Variants in ZC3H4 observed in about 807,000 individuals in gnomAD.
ZC3H4 encodes the protein zinc finger CCCH-type containing 4, also known as zinc finger CCCH domain-containing protein 4.
Under a neutral mutation model 108.3 loss-of-function variants are expected in ZC3H4, and 13 were observed. That is an observed-to-expected ratio of 0.12 (90% confidence interval 0.08 to 0.19). The LOEUF is 0.19. Ranked by LOEUF, ZC3H4 falls within the 10% of genes least tolerant of loss-of-function variation. ZC3H4 has a pLI of 1.00. For missense variants in ZC3H4, 1,734 were observed against 1,838.8 expected, an observed-to-expected ratio of 0.94 and a Z score of 1.04; for synonymous variants, 917 against 749.6, an observed-to-expected ratio of 1.22 and a Z score of -3.65.
chr19:47,093,203 G>A (rs184281930), intron 4 of ZC3H4, among the ~76,000 whole-genome samples: 7 of 129,264 alleles, frequency 5.4e-5, no homozygotes, highest in African/African-American at 1.2e-4. Flanking sequence ...GCGACAGAGT[G>A]AGACTCTGCC....
At chr19:47,088,743 C>T (rs1172598331) in intron 5 of ZC3H4, among the ~76,000 whole-genome samples, 1 of 152,092 alleles carries the variant, frequency 6.6e-6, no homozygotes, top group Non-Finnish European at 1.5e-5. Context: ...CTCCTGCCTC[C>T]ACCTCTCAAG....
At chr19:47,107,332 T>A (rs1463467381) in intron 2 of ZC3H4, among the ~76,000 whole-genome samples, 2 of 152,190 alleles carry the variant, frequency 1.3e-5, no homozygotes, top group African/African-American at 4.8e-5. Flanking sequence ...TGGCATTGTG[T>A]GGGTGTCCCC....
chr19:47,107,634 C>A (rs1179310085), intron 2 of ZC3H4, among the ~76,000 whole-genome samples: 1 of 144,046 alleles, frequency 6.9e-6, no homozygotes, highest in Non-Finnish European at 1.5e-5. Flanking sequence ...ATGCTCTCAG[C>A]AAATAATCCT....
At chr19:47,070,295 T>C (rs1347838315) in intron 13 of ZC3H4, among the ~76,000 whole-genome samples, 1 of 152,162 alleles carries the variant, frequency 6.6e-6, no homozygotes, top group Admixed American at 6.5e-5. Flanking sequence ...TAGCTTACAT[T>C]AATTTCAACT....
At chr19:47,069,420 G>A (rs2057286732) in intron 13 of ZC3H4, 77 bp from the exon 14 acceptor site, 4 of 1,520,610 alleles carry the variant, frequency 2.6e-6, no homozygotes, top group East Asian at 4.8e-5. Flanking sequence ...GCCCCTCACT[G>A]CAAACCCACA....
chr19:47,111,669 A>G (rs1600123476), intron 2 of ZC3H4, among the ~76,000 whole-genome samples: 1 of 152,062 alleles, frequency 6.6e-6, no homozygotes, highest in Non-Finnish European at 1.5e-5. Context: ...GGTTTTCATC[A>G]AAAGGGCTGG....
In ZC3H4 at chr19:47,112,282, G is replaced by A. The variant is rs1273565539; in HGVS notation, c.161+142C>T. The A allele has an allele frequency of 6.3e-6, 7 of 1,112,682 alleles. No individual in the cohort carries two copies. In the East Asian group the frequency reaches 9.7e-5, roughly 15 times the overall value. The allele number at this position is 1,112,682 out of a possible 1,614,324, so 68.9% of individuals were successfully genotyped here. The stretch of plus-strand genomic sequence containing the variant: ...AGAGCGAGCGAGCAAGCGATCGAGA[G>A]ACACCCACCGACCCCGCCCTTCCTC... On this transcript the variant is annotated intron_variant, in intron 2 of 14. Transcript: ENST00000253048.
intron 13 of ZC3H4, among the ~76,000 whole-genome samples, chr19:47,069,757 A>G (rs908199358): frequency 1.1e-4 from 17 of 152,212 alleles, no homozygotes; most frequent in African/African-American, 3.9e-4. Context: ...CTTTCTAACA[A>G]TCAGTAAGGA....
At position 47,067,740 on chromosome 19, in the gene ZC3H4, C is replaced by T. The variant is rs2057243349; in HGVS notation, c.2528G>A (p.Gly843Glu). 3.1e-6 allele frequency: 5 copies of T among 1,608,398 alleles called. No individual in the cohort carries two copies. Among genetic ancestry groups the T allele is most frequent in the Non-Finnish European group, 4.2e-6 (5 of 1,178,646 alleles). ...PASVGELSSS[G>E]LGDPRLQKGH... The stretch of plus-strand genomic sequence containing the variant: ...CTTCTGGAGGCGGGGGTCCCCCAGC[C>T]CACTGCTGCTCAGCTCCCCAACTGA... Residue 843 changes from glycine to glutamate, a missense_variant, in exon 15 of 15, where the codon GGG (glycine) becomes GAG (glutamate). By Grantham distance (98) the Gly-to-Glu change is moderately conservative. Coordinates refer to ENST00000253048, the MANE Select transcript of ZC3H4 (RefSeq NM_015168.2). The surrounding 1 kb of genome is among the most constrained non-coding windows in gnomAD (Gnocchi z 6.4).
Position 47,066,694 on chromosome 19 carries a change from G to A in ZC3H4, c.3574C>T (p.Arg1192Cys), listed in dbSNP as rs757941010. 4 of 1,609,874 alleles carry A rather than the reference G, an allele frequency of 2.5e-6. No individual in the cohort carries two copies. Among genetic ancestry groups the A allele is most frequent in the Non-Finnish European group, 3.4e-6 (4 of 1,178,952 alleles). The change falls in exon 15 of 15, where the codon CGC becomes TGC. Residue 1192 changes from arginine (R) to cysteine (C), a missense_variant. By Grantham distance (180) the Arg-to-Cys change is radical (BLOSUM62 -3). Coordinates refer to ENST00000253048, the MANE Select transcript of ZC3H4 (RefSeq NM_015168.2). ...ASKAKEPPFV[R>C]KSALEQPETG... Reference sequence around the variant, plus strand: ...TCTGGCTGTTCCAGGGCAGACTTGCGGACGAACGGGGGCTCCTTAGCCTTG... The same window carrying A: ...TCTGGCTGTTCCAGGGCAGACTTGCAGACGAACGGGGGCTCCTTAGCCTTG...
chr19:47,080,824 G>C (rs2057508195), intron 11 of ZC3H4, among the ~76,000 whole-genome samples: 1 of 152,138 alleles, frequency 6.6e-6, no homozygotes, highest in Non-Finnish European at 1.5e-5. Flanking sequence ...GTAGCAATGA[G>C]GTTTTGCCAT....
chr19:47,099,440 C>A (rs1456316315), intron 2 of ZC3H4, among the ~76,000 whole-genome samples: 2 of 148,986 alleles, frequency 1.3e-5, no homozygotes, highest in African/African-American at 5.0e-5. Flanking sequence ...GCCTGGGCAA[C>A]AAGAGTGAAA....
At chr19:47,105,997 T>C (rs73943620) in intron 2 of ZC3H4, among the ~76,000 whole-genome samples, 4,916 of 152,260 alleles carry the variant, frequency 0.032, 227 homozygotes, top group African/African-American at 0.1. Flanking sequence ...CACACACTTG[T>C]TTTGTGACCT....
At chr19:47,090,974 G>T (rs1465371187) in intron 4 of ZC3H4, among the ~76,000 whole-genome samples, 1 of 151,750 alleles carries the variant, frequency 6.6e-6, no homozygotes, top group African/African-American at 2.4e-5. Context: ...CTCTAAAAAA[G>T]AAAGTCAGGG....
In ZC3H4 at chr19:47,067,270, C is replaced by T. The variant is rs746919580; in HGVS notation, c.2998G>A (p.Ala1000Thr). 1.4e-5 allele frequency: 22 copies of T among 1,588,810 alleles called. No individual in the cohort carries two copies. Among genetic ancestry groups the T allele is most frequent in the Middle Eastern group, 1.7e-4 (1 of 5,964 alleles). Residue 1000 changes from alanine to threonine, a missense_variant, in exon 15 of 15, where the codon GCG becomes ACG. This residue lies in a region of ZC3H4 where 518 missense variants were observed against 499.6 expected (regional missense o/e 1.04). Transcript: ENST00000253048. The surrounding 1 kb of genome is among the most constrained non-coding windows in gnomAD (Gnocchi z 6.4). ...AGGGTGGGCATGGATTGCAGGGCCGCGGGCACGGGGGGCACTGCGTCCTGC... is the reference window on the plus strand; with the variant it reads ...AGGGTGGGCATGGATTGCAGGGCCGTGGGCACGGGGGGCACTGCGTCCTGC... ...PKQDAVPPVP[A>T]ALQSMPTLDP...
At chr19:47,073,023 A>C (rs2057357919) in intron 11 of ZC3H4, among the ~76,000 whole-genome samples, 1 of 152,248 alleles carries the variant, frequency 6.6e-6, no homozygotes, top group South Asian at 2.1e-4. Flanking sequence ...CTGTAATCCC[A>C]GCACTTTGGG....
chr19:47,077,225 C>T (rs2057438965), intron 11 of ZC3H4, among the ~76,000 whole-genome samples: 1 of 151,812 alleles, frequency 6.6e-6, no homozygotes, highest in African/African-American at 2.4e-5. Context: ...AATCCCAGCA[C>T]TTTGGGAGGC....
At chr19:47,087,602 G>A (rs1314282566) in intron 5 of ZC3H4, among the ~76,000 whole-genome samples, 1 of 152,154 alleles carries the variant, frequency 6.6e-6, no homozygotes, top group African/African-American at 2.4e-5. Context: ...AATTAGGCCA[G>A]GCGCAGTGGT....
chr19:47,094,966 C>G (rs762718969), intron 2 of ZC3H4, among the ~76,000 whole-genome samples: 11 of 152,232 alleles, frequency 7.2e-5, no homozygotes, highest in Non-Finnish European at 1.5e-4. Context: ...ATTCATAATG[C>G]TTAACGCTGC....
Sources: allele counts gnomAD v4.1 joint callset (sites outside exome capture counted in the v4.1 genomes callset), GRCh38; gene constraint gnomAD v4.1.1; regional missense constraint gnomAD v4.1.1; non-coding constraint Gnocchi (gnomAD v3.1); transcripts MANE v1.5; gene names NCBI Gene and HGNC (gene_info 2026-07-23, HGNC 2026-07-21).